Variants in ASAP1 observed in about 807,000 individuals in gnomAD.
The protein encoded by ASAP1 is ArfGAP with SH3 domain, ankyrin repeat and PH domain 1.
ASAP1 carries 43 observed loss-of-function variants against 145.2 expected under a neutral mutation model. The observed-to-expected ratio is 0.30, with a 90% CI of 0.23 to 0.38. ASAP1 has a LOEUF of 0.38. ASAP1 is among the 10% of genes least tolerant of loss of function. The pLI is 1.00. For missense variants in ASAP1, 1,018 were observed against 1,355.3 expected, an observed-to-expected ratio of 0.75 and a Z score of 3.91; for synonymous variants, 546 against 515.5, an observed-to-expected ratio of 1.06 and a Z score of -0.80.
intron 3 of ASAP1, among the ~76,000 whole-genome samples, chr8:130,287,955 A>G (rs1187797796): frequency 1.3e-5 from 2 of 152,068 alleles, no homozygotes; most frequent in African/African-American, 4.8e-5. Flanking sequence ...TCTCTTCCCC[A>G]GGCTTGTCCT....
At chr8:130,433,207 T>C (rs1830197846) in intron 1 of ASAP1, among the ~76,000 whole-genome samples, 1 of 152,234 alleles carries the variant, frequency 6.6e-6, no homozygotes, top group South Asian at 2.1e-4. Flanking sequence ...TGACTGCATT[T>C]CAGACAGAAG....
intron 7 of ASAP1, among the ~76,000 whole-genome samples, chr8:130,183,027 T>A (rs1814475569): frequency 6.6e-6 from 1 of 151,690 alleles, no homozygotes; most frequent in Admixed American, 6.6e-5. Context: ...TAATGAAAAT[T>A]CCCGAAAGAG....
intron 9 of ASAP1, among the ~76,000 whole-genome samples, chr8:130,174,911 T>C (rs561279906): frequency 6.6e-6 from 1 of 152,384 alleles, no homozygotes; most frequent in Non-Finnish European, 1.5e-5. Context: ...GATGGATATC[T>C]GGGTGTTTCC....
At chr8:130,254,090 G>A (rs1819369981) in intron 3 of ASAP1, among the ~76,000 whole-genome samples, 2 of 152,136 alleles carry the variant, frequency 1.3e-5, no homozygotes, top group Admixed American at 6.5e-5. Flanking sequence ...TGTATTTACT[G>A]ACTGCCATCC....
intron 18 of ASAP1, among the ~76,000 whole-genome samples, chr8:130,122,063 T>G (rs1391199545): frequency 3.9e-5 from 6 of 152,148 alleles, no homozygotes; most frequent in Non-Finnish European, 7.4e-5. Flanking sequence ...GCTGCCTGGC[T>G]GCTTCCCCCC....
chr8:130,436,447 C>G (rs1256512246), intron 1 of ASAP1, among the ~76,000 whole-genome samples: 1 of 152,168 alleles, frequency 6.6e-6, no homozygotes, highest in East Asian at 1.9e-4. Context: ...AGGAGTGCAC[C>G]ACCATGTCTG....
chr8:130,187,157 T>C (rs1814788122), intron 7 of ASAP1, 79 bp downstream of exon 7: 1 of 1,281,172 alleles, frequency 7.8e-7, no homozygotes, highest in South Asian at 1.3e-5. Context: ...CTTTTTCCAG[T>C]TAAGTTTTTT....
At chr8:130,283,871 G>A (rs1565170431) in intron 3 of ASAP1, among the ~76,000 whole-genome samples, 5 of 152,092 alleles carry the variant, frequency 3.3e-5, no homozygotes. Context: ...AAGGGTAAGG[G>A]CCTAAAAAAA....
At chr8:130,246,535 ACT>A (rs764847111) in intron 3 of ASAP1, among the ~76,000 whole-genome samples, 11 of 151,032 alleles carry the variant, frequency 7.3e-5, no homozygotes, top group African/African-American at 2.4e-4. Context: ...CGGTGCTTCC[ACT>A]CTCTCTCTCT....
chr8:130,236,190 A>T (rs1048114930), intron 4 of ASAP1, among the ~76,000 whole-genome samples: 3 of 152,156 alleles, frequency 2.0e-5, no homozygotes, highest in African/African-American at 7.2e-5. Flanking sequence ...CTAGAGAAGT[A>T]ACCTATTGGT....
At chr8:130,240,653 G>C (rs1220207810) in intron 3 of ASAP1, among the ~76,000 whole-genome samples, 2 of 152,156 alleles carry the variant, frequency 1.3e-5, no homozygotes, top group East Asian at 1.9e-4. Flanking sequence ...CAACTCAAAA[G>C]AGTGGGGTGA....
rs967405840 is a variant in ASAP1 at position 130,052,286 on chromosome 8, C to T, written c.*2445G>A. ...ATTTAACTAGTGGCACTACAGGATT[C>T]CTATACAACATGTTGAAGTTCTAGG... On this transcript the variant is annotated 3_prime_UTR_variant, in exon 30 of 30. Transcript: ENST00000518721. 6.6e-6 allele frequency: 1 copy of T among 152,586 alleles called. No individual in the cohort carries two copies. The highest frequency in any genetic ancestry group is 1.5e-5 in the Non-Finnish European group (1 of 68,042). The allele number at this position is 152,586 out of a possible 1,614,324, so 9.5% of individuals were successfully genotyped here.
At chr8:130,434,254 G>C (rs1056848943) in intron 1 of ASAP1, among the ~76,000 whole-genome samples, 1 of 152,146 alleles carries the variant, frequency 6.6e-6, no homozygotes, top group African/African-American at 2.4e-5. Context: ...AGGATTACTT[G>C]AACCTGGGAT....
intron 9 of ASAP1, among the ~76,000 whole-genome samples, chr8:130,169,610 G>A (rs1322644890): frequency 2.0e-5 from 3 of 152,210 alleles, no homozygotes; most frequent in Admixed American, 2.0e-4. Context: ...CAACGGGTTT[G>A]GAAAGCTTTA....
At chr8:130,070,868 AGAGAGAGG>A (rs1231848413) in intron 27 of ASAP1, among the ~76,000 whole-genome samples, 17 of 3,026 alleles carry the variant, frequency 5.6e-3, no homozygotes, top group Non-Finnish European at 7.2e-3. Context: ...GGAGAGAGGG[AGAGAGAGG>A]GAGAGAGGGA....
At chr8:130,379,974 C>A (rs180959978) in intron 2 of ASAP1, among the ~76,000 whole-genome samples, 2 of 152,264 alleles carry the variant, frequency 1.3e-5, no homozygotes, top group African/African-American at 4.8e-5. Context: ...TGGCCAGGAT[C>A]CCCCTGCGAC....
At chr8:130,154,877 C>T (rs79707915) in intron 12 of ASAP1, among the ~76,000 whole-genome samples, 15,648 of 152,244 alleles carry the variant, frequency 0.1, 939 homozygotes, top group South Asian at 0.27. Context: ...AAATCACATA[C>T]TTTCTTCTAG....
intron 15 of ASAP1, among the ~76,000 whole-genome samples, chr8:130,133,225 G>C (rs2097585850): frequency 6.6e-6 from 1 of 151,962 alleles, no homozygotes; most frequent in South Asian, 2.1e-4. Context: ...ATTTATAATA[G>C]TCACACACTG....
intron 2 of ASAP1, among the ~76,000 whole-genome samples, chr8:130,369,370 A>T (rs1827108451): frequency 6.6e-6 from 1 of 152,220 alleles, no homozygotes; most frequent in Non-Finnish European, 1.5e-5. Flanking sequence ...TATACAATGA[A>T]ATATCAGAAA....
Sources: gnomAD v4.1 joint callset for allele counts (sites outside exome capture counted in the v4.1 genomes callset) on GRCh38, gnomAD v4.1.1 for gene constraint, MANE v1.5 for transcripts, NCBI Gene and HGNC (gene_info 2026-07-23, HGNC 2026-07-21) for gene names.